Variants in TMEM232 observed in about 807,000 individuals in gnomAD.
TMEM232 encodes the protein transmembrane protein 232.
A neutral mutation model predicts 78.8 loss-of-function variants in TMEM232; 80 were observed. That is an observed-to-expected ratio of 1.01 (90% confidence interval 0.85 to 1.22). TMEM232 has a LOEUF of 1.22. TMEM232 is among the 50% of genes most tolerant of loss of function. The pLI, the probability that TMEM232 is intolerant of heterozygous loss-of-function variation, is 0.00. For synonymous variants in TMEM232, 297 were observed against 254.3 expected (o/e 1.17, Z -1.60); for missense variants, 881 against 742.2 (o/e 1.19, Z -2.17).
chr5:110,428,355 A>G (rs1164343383), intron 12 of TMEM232, among the ~76,000 whole-genome samples: 2 of 151,876 alleles, frequency 1.3e-5, no homozygotes, highest in Admixed American at 6.6e-5. Context: ...AAAACTTTCA[A>G]TTGTAAATTT....
intron 2 of TMEM232, among the ~76,000 whole-genome samples, chr5:110,664,290 A>C (rs772908706): frequency 6.6e-6 from 1 of 152,220 alleles, no homozygotes. Context: ...TCAGCCATTA[A>C]AATGAAGAAT....
chr5:110,552,086 G>T (rs1226069537), intron 11 of TMEM232, among the ~76,000 whole-genome samples: 1 of 152,118 alleles, frequency 6.6e-6, no homozygotes, highest in African/African-American at 2.4e-5. Context: ...ATTTTGGCTT[G>T]TCTAAAACAA....
chr5:110,681,657 T>G (rs1485269281), intron 1 of TMEM232, among the ~76,000 whole-genome samples: 1 of 152,234 alleles, frequency 6.6e-6, no homozygotes, highest in African/African-American at 2.4e-5. Context: ...GTGGAATATT[T>G]AAATGGTTGA....
At chr5:110,658,402 G>A (rs1465884884) in intron 2 of TMEM232, among the ~76,000 whole-genome samples, 5 of 152,048 alleles carry the variant, frequency 3.3e-5, no homozygotes, top group Admixed American at 2.0e-4. Context: ...ATGGAATACC[G>A]TCTTAAGCTT....
chr5:110,469,232 C>T (rs1349230382), intron 12 of TMEM232, among the ~76,000 whole-genome samples: 1 of 152,176 alleles, frequency 6.6e-6, no homozygotes, highest in African/African-American at 2.4e-5. Context: ...CATTTTGGAA[C>T]TGGAACTATG....
At chr5:110,584,453 C>G (rs1431218702) in intron 10 of TMEM232, among the ~76,000 whole-genome samples, 1 of 152,022 alleles carries the variant, frequency 6.6e-6, no homozygotes, top group African/African-American at 2.4e-5. Context: ...AATAGTTAAG[C>G]TGCCCGAGGC....
At chr5:110,517,861 A>G (rs1175026764) in intron 12 of TMEM232, among the ~76,000 whole-genome samples, 2 of 152,206 alleles carry the variant, frequency 1.3e-5, no homozygotes, top group South Asian at 4.1e-4. Context: ...AGAGAAGTTT[A>G]ATTTACTAAT....
chr5:110,694,579 A>C (rs1258687057), intron 1 of TMEM232, among the ~76,000 whole-genome samples: 1 of 152,190 alleles, frequency 6.6e-6, no homozygotes, highest in Admixed American at 6.5e-5. Context: ...GCAGAGATAC[A>C]CATAGGCTCA....
chr5:110,507,596 C>T (rs1360170416), intron 12 of TMEM232, among the ~76,000 whole-genome samples: 1 of 152,156 alleles, frequency 6.6e-6, no homozygotes, highest in Non-Finnish European at 1.5e-5. Context: ...CCTCCTAAGC[C>T]CATGGGCCAT....
At chr5:110,437,540 T>C (rs575610476) in intron 12 of TMEM232, among the ~76,000 whole-genome samples, 214 of 152,172 alleles carry the variant, frequency 1.4e-3, no homozygotes, top group African/African-American at 4.9e-3. Context: ...GTAATACTTA[T>C]TTCTTAATCT....
intron 12 of TMEM232, among the ~76,000 whole-genome samples, chr5:110,436,731 A>G (rs1470154667): frequency 6.6e-6 from 1 of 151,816 alleles, no homozygotes; most frequent in African/African-American, 2.4e-5. Flanking sequence ...CCCCCAACGT[A>G]TTCCTGGCAT....
At chr5:110,527,888 T>G (rs1414079719) in intron 12 of TMEM232, among the ~76,000 whole-genome samples, 1 of 151,968 alleles carries the variant, frequency 6.6e-6, no homozygotes, top group East Asian at 1.9e-4. Context: ...AGTTTCTGTC[T>G]TGATTAAAGC....
intron 1 of TMEM232, among the ~76,000 whole-genome samples, chr5:110,717,374 T>A (rs1202904535): frequency 6.6e-6 from 1 of 152,154 alleles, no homozygotes; most frequent in Non-Finnish European, 1.5e-5. Context: ...TGCTAATACT[T>A]GGACCCATGC....
chr5:110,596,407 G>A (rs1304704707), intron 10 of TMEM232, among the ~76,000 whole-genome samples: 1 of 152,090 alleles, frequency 6.6e-6, no homozygotes, highest in Non-Finnish European at 1.5e-5. Flanking sequence ...AGGACCAGAT[G>A]GATTCACAGC....
chr5:110,418,761 C>T (rs971483215), downstream of TMEM232, among the ~76,000 whole-genome samples: 1 of 152,026 alleles, frequency 6.6e-6, no homozygotes, highest in Admixed American at 6.6e-5. Context: ...AGTGAGGAGG[C>T]CTTAAGGACC....
At chr5:110,551,417 G>T (rs1774442712) in intron 11 of TMEM232, among the ~76,000 whole-genome samples, 1 of 151,388 alleles carries the variant, frequency 6.6e-6, no homozygotes, top group South Asian at 2.1e-4. Context: ...TAGAGATGGG[G>T]TTTCACCATC....
intron 10 of TMEM232, among the ~76,000 whole-genome samples, chr5:110,590,118 T>C (rs891737014): frequency 1.5e-4 from 23 of 152,248 alleles, no homozygotes; most frequent in African/African-American, 5.1e-4. Context: ...TGTAAGCATA[T>C]AAAAAATTTT....
At chr5:110,674,016 G>GA (rs995963137) in intron 1 of TMEM232, among the ~76,000 whole-genome samples, 127 of 143,358 alleles carry the variant, frequency 8.9e-4, no homozygotes, top group Non-Finnish European at 7.1e-4. Flanking sequence ...GCAGTCTGAG[G>GA]AAAAAAAAAA....
intron 12 of TMEM232, among the ~76,000 whole-genome samples, chr5:110,431,206 C>G (rs1167060258): frequency 1.3e-5 from 2 of 151,402 alleles, no homozygotes; most frequent in South Asian, 2.1e-4. Context: ...GCTAAGAAGC[C>G]AAGCAAAGAA....
Sources: allele counts gnomAD v4.1 joint callset (sites outside exome capture counted in the v4.1 genomes callset), GRCh38; gene constraint gnomAD v4.1.1; transcripts MANE v1.5; gene names NCBI Gene and HGNC (gene_info 2026-07-23, HGNC 2026-07-21).